The following PPP2R1A variants were observed in gnomAD, a reference collection of about 807,000 sequenced individuals.
PPP2R1A encodes the protein serine/threonine-protein phosphatase 2A 65 kDa regulatory subunit A alpha isoform.
A neutral mutation model predicts 67.1 loss-of-function variants in PPP2R1A; 15 were observed. The observed-to-expected ratio is 0.22, with a 90% CI of 0.15 to 0.34. The LOEUF is 0.34. Ranked by LOEUF, PPP2R1A falls within the 10% of genes least tolerant of loss-of-function variation. The probability of loss-of-function intolerance (pLI) is 1.00; values close to 1 mark genes in which losing one functional copy is unlikely to be tolerated. For synonymous variants in PPP2R1A, 337 were observed against 325.0 expected (o/e 1.04, Z -0.40); for missense variants, 369 against 775.0 (o/e 0.48, Z 6.22).
intron 1 of PPP2R1A, among the ~76,000 whole-genome samples, chr19:52,196,746 G>C (rs1003103128): frequency 2.0e-5 from 3 of 152,128 alleles, no homozygotes; most frequent in African/African-American, 7.2e-5. Context: ...ATGGTGTCAG[G>C]GTCCCAGGCT....
rs565037330 is a variant in PPP2R1A at position 52,222,457 on chromosome 19, T to C, written c.1661+216T>C. ...AGAGGGGGTGATGGGTTGGCAGTCC[T>C]GTATACTAGCAACAAGTCATTAGAA... On this transcript the variant is annotated intron_variant, in intron 13 of 14. Coordinates refer to ENST00000322088, the MANE Select transcript of PPP2R1A (RefSeq NM_014225.6). 1.3e-4 allele frequency: 70 copies of C among 550,170 alleles called. 1 individual carries two copies. The African/African-American group carries it at 1.3e-3, about 10-fold the overall frequency. 34.1% of individuals were successfully genotyped at this position (550,170 alleles called of 1,614,324 possible).
intron 6 of PPP2R1A, 24 bp from the exon 7 acceptor site, chr19:52,215,755 C>T: frequency 1.2e-6 from 2 of 1,600,108 alleles, no homozygotes; most frequent in Non-Finnish European, 8.6e-7. Flanking sequence ...CTCTCACTCT[C>T]CCCCTCCTCC....
chr19:52,194,088 CAAAAAAAAAAAAA>C (rs915576804), intron 1 of PPP2R1A, among the ~76,000 whole-genome samples: 1 of 60,522 alleles, frequency 1.7e-5, no homozygotes, highest in Admixed American at 2.0e-4. Context: ...ACCCTGTCTC[CAAAAAAAAAAAAA>C]AAAAAAAAAA....
chr19:52,223,104 A>G (rs1211315233), intron 13 of PPP2R1A, among the ~76,000 whole-genome samples: 1 of 152,220 alleles, frequency 6.6e-6, no homozygotes, highest in Non-Finnish European at 1.5e-5. Flanking sequence ...ATAGAATGGA[A>G]TCAAGGGTAC....
chr19:52,196,942 C>A (rs2089501732), intron 1 of PPP2R1A, among the ~76,000 whole-genome samples: 1 of 152,272 alleles, frequency 6.6e-6, no homozygotes, highest in South Asian at 2.1e-4. Flanking sequence ...ATTTTATTGG[C>A]CAGATGTTAG....
At chr19:52,223,323 A>AT (rs1485806510) in intron 13 of PPP2R1A, among the ~76,000 whole-genome samples, 2 of 152,266 alleles carry the variant, frequency 1.3e-5, no homozygotes, top group African/African-American at 4.8e-5. Flanking sequence ...ATGTAGGAAA[A>AT]TATCTTCTTG....
intron 2 of PPP2R1A, 121 bp from the exon 3 acceptor site, chr19:52,205,842 G>A (rs2089596324): frequency 6.3e-6 from 5 of 798,526 alleles, no homozygotes; most frequent in Non-Finnish European, 1.1e-5. Context: ...GGAGCAAGTG[G>A]GCGGATGGAA....
intron 2 of PPP2R1A, among the ~76,000 whole-genome samples, chr19:52,203,388 A>T (rs2122304409): frequency 6.6e-6 from 1 of 152,350 alleles, no homozygotes; most frequent in Admixed American, 6.5e-5. Context: ...GCAGGATAAT[A>T]AAGTGGTGAA....
Position 52,219,009 on chromosome 19 carries a change from A to G in PPP2R1A, c.1129-682A>G, listed in dbSNP as rs1219895288. Among the ~76,000 whole-genome samples the G allele has an allele frequency of 1.3e-5, 2 of 152,232 alleles. No homozygotes were observed. Among genetic ancestry groups the G allele is most frequent in the Admixed American group, 6.5e-5 (1 of 15,282 alleles). On this transcript the variant is annotated intron_variant, in intron 9 of 14. Coordinates refer to ENST00000322088, the MANE Select transcript of PPP2R1A (RefSeq NM_014225.6). This position sits in a 1 kb window ranked among gnomAD's most constrained non-coding sequence, Gnocchi z 4.0. ...TATTTTACATTTTGACTCTCACCAG[A>G]ATTTATAAACTTGTCTAAATGAAAA...
chr19:52,207,293 T>C (rs2089614131), intron 3 of PPP2R1A, among the ~76,000 whole-genome samples: 1 of 152,214 alleles, frequency 6.6e-6, no homozygotes, highest in African/African-American at 2.4e-5. Flanking sequence ...CAGGTGGAAC[T>C]TCTGAGCAGT....
rs372419808 is a variant in PPP2R1A at position 52,220,901 on chromosome 19, G to A, written c.1364-78G>A. On this transcript the variant is annotated intron_variant, in intron 11 of 14. Transcript: ENST00000322088. ...CCTAGGGGCTGCTTTGTAAGCCATG[G>A]TGAGTGTGACCTACATTTTGCCCAC... The A allele has an allele frequency of 9.8e-6, 15 of 1,524,564 alleles. No individual in the cohort carries two copies. The African/African-American group carries it at 1.4e-4, about 14-fold the overall frequency. 94.4% of individuals were successfully genotyped at this position (1,524,564 alleles called of 1,614,324 possible).
At chr19:52,222,348 T>C in intron 13 of PPP2R1A, 107 bp downstream of exon 13, 1 of 1,440,216 alleles carries the variant, frequency 6.9e-7, no homozygotes, top group South Asian at 1.5e-5. Context: ...CAGCGCTCCT[T>C]GCTTGCTGTG....
rs888603490 is a variant in PPP2R1A at position 52,211,903 on chromosome 19, C to T, written c.503+411C>T. 6.6e-6 allele frequency among the ~76,000 whole-genome samples: 1 copy of T among 152,230 alleles called. No individual in the cohort carries two copies. The highest frequency in any genetic ancestry group is 2.4e-5 in the African/African-American group (1 of 41,470). ...CCTCAGTTTTCAGCCTCCTGCTCGT[C>T]TACTTTGCAAACGATTGACCGTCAA... On this transcript the variant is annotated intron_variant, in intron 4 of 14. Transcript: ENST00000322088. The surrounding 1 kb of genome is among the most constrained non-coding windows in gnomAD (Gnocchi z 5.3).
At chr19:52,215,622 C>T (rs949996943) in intron 6 of PPP2R1A, among the ~76,000 whole-genome samples, 157 bp from the exon 7 acceptor site, 17 of 152,182 alleles carry the variant, frequency 1.1e-4, no homozygotes, top group Non-Finnish European at 2.2e-4. Context: ...AGCCTTGCCC[C>T]GGGGCCAGTC....
At chr19:52,218,538 A>G (rs975852529) in intron 9 of PPP2R1A, among the ~76,000 whole-genome samples, 1 of 152,204 alleles carries the variant, frequency 6.6e-6, no homozygotes, top group African/African-American at 2.4e-5. Flanking sequence ...ATTAGTGTTC[A>G]TGACAAATTT....
At chr19:52,190,340 C>T (rs2089441575) in intron 1 of PPP2R1A, 166 bp downstream of exon 1, 1 of 788,318 alleles carries the variant, frequency 1.3e-6, no homozygotes, top group Admixed American at 2.7e-5. Flanking sequence ...TGAGACGGCG[C>T]TCCCGATTGG....
At chr19:52,190,993 G>T (rs1384004700) in intron 1 of PPP2R1A, 1 of 152,216 alleles carries the variant, frequency 6.6e-6, no homozygotes, top group African/African-American at 2.4e-5. Flanking sequence ...CTAATTAGCT[G>T]CGATTACCGG....
At position 52,225,858 on chromosome 19, in the gene PPP2R1A, C is replaced by T. The variant is rs528884830; in HGVS notation, c.1753+50C>T. On this transcript the variant is annotated intron_variant, in intron 14 of 14. Coordinates refer to ENST00000322088, the MANE Select transcript of PPP2R1A (RefSeq NM_014225.6). ...CTAGCAGGAGGGTGGACTTTGAGGACAGGCACTGGGCCTGTGGGCAGCAGC... is the reference window on the plus strand; with the variant it reads ...CTAGCAGGAGGGTGGACTTTGAGGATAGGCACTGGGCCTGTGGGCAGCAGC... 147 of 1,611,840 alleles carry T rather than the reference C, an allele frequency of 9.1e-5. No individual in the cohort carries two copies. In the Admixed American group the frequency reaches 1.3e-3, roughly 15 times the overall value.
intron 9 of PPP2R1A, among the ~76,000 whole-genome samples, chr19:52,218,378 C>T (rs1363764176): frequency 6.6e-6 from 1 of 152,068 alleles, no homozygotes; most frequent in East Asian, 1.9e-4. Flanking sequence ...ATCTCTTAGC[C>T]CCAGAATTAC....
Sources: gnomAD v4.1 joint callset for allele counts (sites outside exome capture counted in the v4.1 genomes callset) on GRCh38, gnomAD v4.1.1 for gene constraint, Gnocchi (gnomAD v3.1) non-coding constraint, MANE v1.5 for transcripts, NCBI Gene and HGNC (gene_info 2026-07-23, HGNC 2026-07-21) for gene names.